Variants in BBS9 observed in about 807,000 individuals in gnomAD.
The protein encoded by BBS9 is Bardet-Biedl syndrome 9.
In BBS9, 89 loss-of-function variants were observed where a neutral mutation model predicts 117.7. The observed-to-expected ratio is 0.76, with a 90% CI of 0.64 to 0.90. BBS9 has a LOEUF of 0.90. BBS9 is among the 40% of genes least tolerant of loss of function. The pLI, the probability that BBS9 is intolerant of heterozygous loss-of-function variation, is 0.00. For missense variants in BBS9, 982 were observed against 1,042.2 expected (o/e 0.94, Z 0.80); for synonymous variants, 379 against 370.9 (o/e 1.02, Z -0.25).
At chr7:33,255,435 C>T (rs1472486702) in intron 5 of BBS9, among the ~76,000 whole-genome samples, 4 of 148,316 alleles carry the variant, frequency 2.7e-5, no homozygotes, top group East Asian at 4.0e-4. Context: ...GTATTCTTGG[C>T]GCCTTTGCTG....
intron 19 of BBS9, among the ~76,000 whole-genome samples, chr7:33,440,441 A>T (rs1376726221): frequency 1.3e-5 from 2 of 152,202 alleles, no homozygotes; most frequent in Admixed American, 6.5e-5. Context: ...TCATAAATGC[A>T]TGACAGCTGG....
chr7:33,584,245 G>C (rs1323382319), intron 21 of BBS9, among the ~76,000 whole-genome samples: 2 of 151,626 alleles, frequency 1.3e-5, no homozygotes, highest in African/African-American at 4.8e-5. Context: ...TATATTTTTG[G>C]AATTTTTTAG....
rs184438438 is a variant in BBS9, at chr7:33,524,358, G to A, written c.2299-9596G>A. Among the ~76,000 whole-genome samples, 656 of 152,212 alleles carry A rather than the reference G, an allele frequency of 4.3e-3. 8 individuals are homozygous for A. Among genetic ancestry groups the A allele is most frequent in the African/African-American group, 0.014 (574 of 41,516 alleles). ...CCTCCTTGTACCTCTGATAGTATTC[G>A]GCTGTGAATCCATCTGGTCCTGGAC... On this transcript the variant is annotated intron_variant, in intron 20 of 22. Coordinates refer to ENST00000242067, the MANE Select transcript of BBS9 (RefSeq NM_198428.3).
At chr7:33,572,458 A>G (rs567370299) in intron 21 of BBS9, among the ~76,000 whole-genome samples, 2 of 152,270 alleles carry the variant, frequency 1.3e-5, no homozygotes, top group East Asian at 3.9e-4. Flanking sequence ...ATATATATAC[A>G]GCAGTGGGAT....
At chr7:33,576,660 T>A (rs1858939252) in intron 21 of BBS9, among the ~76,000 whole-genome samples, 1 of 152,086 alleles carries the variant, frequency 6.6e-6, no homozygotes, top group Non-Finnish European at 1.5e-5. Flanking sequence ...CAAACTATAC[T>A]ACAAGGCTAC....
At chr7:33,319,906 A>T (rs918784596) in intron 9 of BBS9, among the ~76,000 whole-genome samples, 1 of 152,234 alleles carries the variant, frequency 6.6e-6, no homozygotes. Flanking sequence ...CAAGGGCACG[A>T]ATAGACAGTT....
intron 21 of BBS9, among the ~76,000 whole-genome samples, chr7:33,603,204 TC>T (rs1239573110): frequency 6.6e-6 from 1 of 152,082 alleles, no homozygotes; most frequent in Admixed American, 6.6e-5. Context: ...ATTCCTGGCC[TC>T]CCCCACCTCC....
chr7:33,508,839 G>A (rs16879161), intron 20 of BBS9, among the ~76,000 whole-genome samples: 3,325 of 152,228 alleles, frequency 0.022, 138 homozygotes, highest in African/African-American at 0.077. Context: ...TCTAAATGTA[G>A]GAATTGGTAC....
At chr7:33,517,373 G>GT (rs930011045) in intron 20 of BBS9, among the ~76,000 whole-genome samples, 15 of 152,314 alleles carry the variant, frequency 9.8e-5, no homozygotes, top group Admixed American at 9.1e-4. Flanking sequence ...AACACCTGCA[G>GT]TTTTTTGCCT....
intron 9 of BBS9, among the ~76,000 whole-genome samples, chr7:33,301,273 AATAAT>A (rs1190544672): frequency 1.3e-5 from 2 of 152,088 alleles, no homozygotes. Flanking sequence ...TTGTGTTACA[AATAAT>A]ATAAGCATAT....
chr7:33,580,323 G>T (rs1001304852), intron 21 of BBS9, among the ~76,000 whole-genome samples: 1 of 151,510 alleles, frequency 6.6e-6, no homozygotes, highest in Non-Finnish European at 1.5e-5. Context: ...CTCGAGAAAA[G>T]AAAGTTAATC....
chr7:33,400,680 A>G (rs936880861), intron 19 of BBS9, among the ~76,000 whole-genome samples: 2 of 152,316 alleles, frequency 1.3e-5, no homozygotes, highest in East Asian at 1.9e-4. Flanking sequence ...AAGCATATCT[A>G]TGAACAGCTG....
intron 11 of BBS9, 123 bp from the exon 12 acceptor site, chr7:33,344,458 T>A: frequency 1.1e-6 from 1 of 918,768 alleles, no homozygotes; most frequent in Non-Finnish European, 1.8e-6. Flanking sequence ...GTCATTAGAG[T>A]AATAAATCTT....
rs538562383 is a variant in BBS9, at chr7:33,137,555, C to T, written c.-12+7514C>T. On this transcript the variant is annotated intron_variant, in intron 1 of 22. Transcript: ENST00000242067. ...TGCTGCCTAAGTTGTCTTTTGAAAT[C>T]CACCCATTTTTTTATCAAAGGAAAT... Among the ~76,000 whole-genome samples the T allele has an allele frequency of 2.0e-5, 3 of 152,310 alleles. No homozygotes were observed. The South Asian group carries it at 6.2e-4, about 32-fold the overall frequency.
At chr7:33,598,460 G>A (rs1489714668) in intron 21 of BBS9, among the ~76,000 whole-genome samples, 1 of 151,948 alleles carries the variant, frequency 6.6e-6, no homozygotes, top group African/African-American at 2.4e-5. Context: ...AAAAGACAAA[G>A]GACATTAAGT....
intron 19 of BBS9, among the ~76,000 whole-genome samples, chr7:33,401,301 T>C (rs6979138): frequency 0.1 from 15,206 of 152,246 alleles, 1,108 homozygotes; most frequent in African/African-American, 0.2. Context: ...TTCCCACTTT[T>C]GTGATTCAAG....
intron 6 of BBS9, among the ~76,000 whole-genome samples, chr7:33,262,648 G>C (rs548633330): frequency 6.6e-6 from 1 of 152,292 alleles, no homozygotes; most frequent in East Asian, 1.9e-4. Context: ...ACAAGGCTGA[G>C]ATCTTCTCCC....
chr7:33,140,801 A>G (rs1463254477), intron 1 of BBS9, among the ~76,000 whole-genome samples: 4 of 152,354 alleles, frequency 2.6e-5, no homozygotes, highest in Non-Finnish European at 5.9e-5. Flanking sequence ...CAAATGGTGC[A>G]AATATTTTTC....
chr7:33,515,779 G>C (rs778524899), intron 20 of BBS9, among the ~76,000 whole-genome samples: 2 of 152,156 alleles, frequency 1.3e-5, no homozygotes, highest in Non-Finnish European at 2.9e-5. Flanking sequence ...ATTCTATCTG[G>C]ATGTATTTTC....
Sources: allele counts gnomAD v4.1 joint callset (sites outside exome capture counted in the v4.1 genomes callset), GRCh38; gene constraint gnomAD v4.1.1; transcripts MANE v1.5; gene names NCBI Gene and HGNC (gene_info 2026-07-23, HGNC 2026-07-21).